The following HSPBP1 variants were observed in gnomAD, a reference collection of about 807,000 sequenced individuals.
HSPBP1 encodes the protein hsp70-binding protein 1.
A neutral mutation model predicts 41.7 loss-of-function variants in HSPBP1; 31 were observed. The observed-to-expected ratio is 0.74, with a 90% CI of 0.56 to 1.00. HSPBP1 has a LOEUF of 1.00. HSPBP1 is among the 50% of genes least tolerant of loss of function. The probability of loss-of-function intolerance (pLI) is 0.00; values close to 1 mark genes in which losing one functional copy is unlikely to be tolerated. For synonymous variants in HSPBP1, 199 were observed against 214.4 expected (o/e 0.93, Z 0.63); for missense variants, 439 against 487.9 (o/e 0.90, Z 0.94).
At chr19:55,266,414 A>G (rs2087781139) in intron 4 of HSPBP1, 128 bp from the exon 5 acceptor site, 4 of 1,013,662 alleles carry the variant, frequency 3.9e-6, no homozygotes, top group Non-Finnish European at 5.7e-6. Flanking sequence ...CACTATCTTC[A>G]CCACCATCAC....
Position 55,274,463 on chromosome 19 carries a change from A to G in HSPBP1, c.575T>C (p.Leu192Pro). The G allele has an allele frequency of 1.3e-6, 2 of 1,588,400 alleles. No homozygotes were observed. The highest frequency in any genetic ancestry group is 1.7e-5 in the Admixed American group (1 of 57,270). ...GGCGTCGCGGTCCAGCAGCCGCAGC[A>G]GCTTACGCAGGGCACCCAGGCCCAG... ...QVLGLGALRK[L>P]LRLLDRDACD... The change falls in exon 4 of 8, where the codon CTG becomes CCG. Residue 192 changes from leucine to proline, a missense_variant. Physicochemically the swap from Leu to Pro is moderately conservative, Grantham distance 98. Coordinates refer to ENST00000433386, the MANE Select transcript of HSPBP1 (RefSeq NM_012267.5).
chr19:55,270,355 C>T lies in HSPBP1; in HGVS notation c.640+4043G>A, dbSNP rs533518605. On this transcript the variant is annotated intron_variant, in intron 4 of 7. Transcript: ENST00000433386. The surrounding 1 kb of genome is among the most constrained non-coding windows in gnomAD (Gnocchi z 5.4). ...TGGTGGAAGCCCATCTCTAGCACCC[C>T]TTCCTCAGAGGGGGATTGTGAGGGA... 2.9e-4 allele frequency among the ~76,000 whole-genome samples: 44 copies of T among 152,348 alleles called. No individual in the cohort carries two copies. The highest frequency in any genetic ancestry group is 1.0e-3 in the African/African-American group (43 of 41,582).
intron 7 of HSPBP1, among the ~76,000 whole-genome samples, chr19:55,263,146 G>A (rs968351409): frequency 6.6e-6 from 1 of 152,170 alleles, no homozygotes; most frequent in Non-Finnish European, 1.5e-5. Flanking sequence ...CTCTTAAAGA[G>A]CTTAAAAAAG....
chr19:55,274,656 T>C (rs774830940), intron 3 of HSPBP1, 34 bp from the exon 4 acceptor site: 19 of 1,562,064 alleles, frequency 1.2e-5, no homozygotes, highest in Non-Finnish European at 1.5e-5. Context: ...AGAGGCCAGA[T>C]GTTAGGGACT....
At chr19:55,276,502 G>A (rs1156496467) in intron 3 of HSPBP1, among the ~76,000 whole-genome samples, 3 of 152,146 alleles carry the variant, frequency 2.0e-5, no homozygotes, top group Admixed American at 6.5e-5. Context: ...GAGAGCGCAC[G>A]AGGCCAGGGA....
At chr19:55,274,711 G>A in intron 3 of HSPBP1, 89 bp from the exon 4 acceptor site, 1 of 1,092,404 alleles carries the variant, frequency 9.2e-7, no homozygotes, top group South Asian at 1.4e-5. Flanking sequence ...CTGACCCCCA[G>A]TACCTTGGAA....
chr19:55,274,594 C>A lies in HSPBP1; in HGVS notation c.444G>T (p.Leu148=), dbSNP rs139452756. 6.2e-7 allele frequency: 1 copy of A among 1,607,674 alleles called. No homozygotes were observed. The highest frequency in any genetic ancestry group is 8.5e-7 in the Non-Finnish European group (1 of 1,179,434). Residue 148 remains leucine, a synonymous_variant, in exon 4 of 8, where the codon CTG becomes CTT. Coordinates refer to ENST00000433386, the MANE Select transcript of HSPBP1 (RefSeq NM_012267.5). ...CCGCCTCCAGGTACCGGCCCACCAGCAGGTGCATGCCAGACAGCTGGCAGA... is the reference window on the plus strand; with the variant it reads ...CCGCCTCCAGGTACCGGCCCACCAGAAGGTGCATGCCAGACAGCTGGCAGA... ...ADFCQLSGMH[L]LVGRYLEAGA...
intron 4 of HSPBP1, among the ~76,000 whole-genome samples, chr19:55,267,099 C>T (rs1375062214): frequency 3.9e-5 from 6 of 151,958 alleles, no homozygotes; most frequent in Non-Finnish European, 8.8e-5. Flanking sequence ...TTTATCCATT[C>T]CTCCATTGAT....
intron 7 of HSPBP1, 122 bp from the exon 8 acceptor site, chr19:55,262,804 C>A: frequency 1.2e-6 from 1 of 821,826 alleles, no homozygotes; most frequent in Admixed American, 2.3e-5. Flanking sequence ...TCCCCCCCAC[C>A]AGAGGTTAGG....
intron 5 of HSPBP1, 26 bp downstream of exon 5, chr19:55,266,105 C>T (rs1199687573): frequency 1.3e-6 from 2 of 1,596,744 alleles, no homozygotes; most frequent in African/African-American, 2.7e-5. Context: ...CTCCCCACTC[C>T]TGCCCTCACT....
rs1005238773 is a variant in HSPBP1, at chr19:55,270,714, C to T, written c.640+3684G>A. Among the ~76,000 whole-genome samples, 4 of 151,948 alleles carry T rather than the reference C, an allele frequency of 2.6e-5. No individual in the cohort carries two copies. The highest frequency in any genetic ancestry group is 9.7e-5 in the African/African-American group (4 of 41,322). ...ACGACACACTCCACATAAGCACACA[C>T]CACACACCCCGTATACACACACCAC... is the stretch of plus-strand genomic sequence containing the variant. On this transcript the variant is annotated intron_variant, in intron 4 of 7. Coordinates refer to ENST00000433386, the MANE Select transcript of HSPBP1 (RefSeq NM_012267.5). This position sits in a 1 kb window ranked among gnomAD's most constrained non-coding sequence, Gnocchi z 5.4.
intron 6 of HSPBP1, 55 bp downstream of exon 6, chr19:55,265,831 C>T: frequency 8.0e-7 from 1 of 1,252,378 alleles, no homozygotes; most frequent in South Asian, 1.4e-5. Context: ...CCACCCCCAC[C>T]TTGAGAGGAC....
rs780645577 is a variant in HSPBP1 at position 55,274,512 on chromosome 19, C to T, written c.526G>A (p.Val176Met). 6.3e-5 allele frequency: 101 copies of T among 1,603,292 alleles called. 1 individual carries two copies. The highest frequency in any genetic ancestry group is 8.1e-5 in the Non-Finnish European group (95 of 1,177,192). The change falls in exon 4 of 8, where the codon GTG becomes ATG. Residue 176 changes from valine to methionine, a missense_variant. Transcript: ENST00000433386. Reference sequence around the variant, plus strand: ...AGCACCTGCTCCTGGATGGCTGCCACGTTCTGACTGCACGTGCCGATGAGC... The same window carrying T: ...AGCACCTGCTCCTGGATGGCTGCCATGTTCTGACTGCACGTGCCGATGAGC... ...AQLIGTCSQN[V>M]AAIQEQVLGL...
intron 5 of HSPBP1, 61 bp from the exon 6 acceptor site, chr19:55,266,043 G>T (rs1164397429): frequency 2.6e-6 from 4 of 1,560,242 alleles, no homozygotes; most frequent in Non-Finnish European, 3.5e-6. Context: ...GCCCTCCCCG[G>T]GATGCCTGTT....
In HSPBP1 at chr19:55,268,655, ATATT is replaced by A. The variant is rs1277711702; in HGVS notation, c.641-2373_641-2370del. On this transcript the variant is annotated intron_variant, in intron 4 of 7. Transcript: ENST00000433386. The surrounding 1 kb of genome is among the most constrained non-coding windows in gnomAD (Gnocchi z 4.5). The stretch of plus-strand genomic sequence containing the variant: ...TAATAGTTTGGACATATTGGGTTAC[ATATT>A]TATTTATTTTAGTTTATTTTATTTC... 6.6e-6 allele frequency among the ~76,000 whole-genome samples: 1 copy of A among 152,162 alleles called. No homozygotes were observed. The highest frequency in any genetic ancestry group is 1.5e-5 in the Non-Finnish European group (1 of 68,020).
At chr19:55,278,938 A>AC (rs1477500795) in intron 2 of HSPBP1, among the ~76,000 whole-genome samples, 1 of 151,510 alleles carries the variant, frequency 6.6e-6, no homozygotes. Flanking sequence ...AAAAAAAAAA[A>AC]AAACAGCAGT....
Position 55,262,421 on chromosome 19 carries a change from G to C in HSPBP1, c.*187C>G. 7.1e-7 allele frequency: 1 copy of C among 1,414,106 alleles called. No homozygotes were observed. The highest frequency in any genetic ancestry group is 9.2e-7 in the Non-Finnish European group (1 of 1,085,740). 87.6% of individuals were successfully genotyped at this position (1,414,106 alleles called of 1,614,324 possible). On this transcript the variant is annotated 3_prime_UTR_variant, in exon 8 of 8. Transcript: ENST00000433386. ...GAACGGGGATGAGAGTGAGAGCATG[G>C]GAGGTGGGGTCCAAGGAGCTGGTGC...
At position 55,277,732 on chromosome 19, in the gene HSPBP1, C is replaced by G. The variant is rs535608762; in HGVS notation, c.325G>C (p.Gly109Arg). 1.2e-6 allele frequency: 2 copies of G among 1,607,878 alleles called. No homozygotes were observed. Among genetic ancestry groups the G allele is most frequent in the South Asian group, 2.2e-5 (2 of 89,930 alleles). ...TGGTCGGCCGCCTGCTCGGCCTCCC[C>G]AGCAGTGGGGGGCATGGGCTGTGAC... The part of the protein sequence containing the change: ...VLSQPMPPTA[G>R]EAEQAADQQE... The change falls in exon 3 of 8, where the codon GGG becomes CGG. Residue 109 changes from glycine to arginine, a missense_variant. Coordinates refer to ENST00000433386, the MANE Select transcript of HSPBP1 (RefSeq NM_012267.5).
At chr19:55,277,935 G>GTTGTT in intron 2 of HSPBP1, 89 bp from the exon 3 acceptor site, 9 of 1,058,536 alleles carry the variant, frequency 8.5e-6, no homozygotes, top group Non-Finnish European at 1.2e-5. Flanking sequence ...CAACAACTGA[G>GTTGTT]GGCTGATGTT....
Sources: gnomAD v4.1 joint callset for allele counts (sites outside exome capture counted in the v4.1 genomes callset) on GRCh38, gnomAD v4.1.1 for gene constraint, Gnocchi (gnomAD v3.1) non-coding constraint, MANE v1.5 for transcripts, NCBI Gene and HGNC (gene_info 2026-07-23, HGNC 2026-07-21) for gene names.